The following ARHGAP15 variants were observed in gnomAD, a reference collection of about 807,000 sequenced individuals.
ARHGAP15 encodes Rho GTPase activating protein 15, also known as rho GTPase-activating protein 15.
In ARHGAP15, 51 loss-of-function variants were observed where a neutral mutation model predicts 63.7. The observed-to-expected ratio is 0.80, with a 90% CI of 0.64 to 1.01. ARHGAP15 has a LOEUF of 1.01. ARHGAP15 is among the 50% of genes least tolerant of loss of function. ARHGAP15 has a pLI of 0.00. For missense variants in ARHGAP15, 560 were observed against 564.6 expected, an observed-to-expected ratio of 0.99 and a Z score of 0.08; for synonymous variants, 191 against 193.8, an observed-to-expected ratio of 0.99 and a Z score of 0.12.
intron 6 of ARHGAP15, among the ~76,000 whole-genome samples, chr2:143,313,667 G>A (rs975233522): frequency 1.8e-4 from 27 of 152,156 alleles, no homozygotes; most frequent in Non-Finnish European, 4.0e-4. Context: ...CTGAGGTAGA[G>A]TCTATCTTTA....
intron 6 of ARHGAP15, among the ~76,000 whole-genome samples, chr2:143,311,089 G>A (rs1188839554): frequency 6.6e-6 from 1 of 151,862 alleles, no homozygotes; most frequent in Non-Finnish European, 1.5e-5. Context: ...TTAATCCTTA[G>A]AGAATTTGGT....
chr2:143,718,826 T>C (rs1335389997), intron 13 of ARHGAP15, among the ~76,000 whole-genome samples: 1 of 152,214 alleles, frequency 6.6e-6, no homozygotes, highest in African/African-American at 2.4e-5. Flanking sequence ...GTGTGGTAGA[T>C]GCTGAGCTGG....
chr2:143,308,592 G>A (rs530380076), intron 6 of ARHGAP15, among the ~76,000 whole-genome samples: 29 of 152,092 alleles, frequency 1.9e-4, no homozygotes, highest in African/African-American at 6.7e-4. Flanking sequence ...CCAATGGCAT[G>A]TATAGATTGT....
At chr2:143,270,610 A>G (rs558225496) in intron 6 of ARHGAP15, among the ~76,000 whole-genome samples, 3 of 152,152 alleles carry the variant, frequency 2.0e-5, no homozygotes, top group African/African-American at 4.8e-5. Context: ...ATTACATACT[A>G]CTTTCCTGTT....
At chr2:143,232,812 A>G (rs970444969) in intron 5 of ARHGAP15, among the ~76,000 whole-genome samples, 9 of 152,296 alleles carry the variant, frequency 5.9e-5, no homozygotes, top group African/African-American at 2.2e-4. Flanking sequence ...ATTCATATAA[A>G]TGGAATCCTA....
intron 13 of ARHGAP15, among the ~76,000 whole-genome samples, chr2:143,705,001 CAT>C (rs1684261101): frequency 1.3e-5 from 2 of 152,272 alleles, no homozygotes; most frequent in South Asian, 2.1e-4. Flanking sequence ...CACATGCAAA[CAT>C]ATGTGTGTAT....
intron 6 of ARHGAP15, among the ~76,000 whole-genome samples, chr2:143,370,662 A>G (rs1307875779): frequency 6.6e-6 from 1 of 152,144 alleles, no homozygotes; most frequent in African/African-American, 2.4e-5. Context: ...ATATTTGTTC[A>G]ACAATAGTTA....
At chr2:143,364,849 TACA>T (rs1184264805) in intron 6 of ARHGAP15, among the ~76,000 whole-genome samples, 1 of 151,978 alleles carries the variant, frequency 6.6e-6, no homozygotes, top group African/African-American at 2.4e-5. Context: ...CTCTTAAAAA[TACA>T]ACAATTATCC....
chr2:143,209,762 A>T (rs1692496838), intron 3 of ARHGAP15, among the ~76,000 whole-genome samples: 1 of 152,090 alleles, frequency 6.6e-6, no homozygotes, highest in African/African-American at 2.4e-5. Flanking sequence ...AAACTGCAAA[A>T]ATTCCACAGC....
intron 6 of ARHGAP15, among the ~76,000 whole-genome samples, chr2:143,293,178 AT>A (rs1682485053): frequency 6.6e-6 from 1 of 152,024 alleles, no homozygotes; most frequent in Non-Finnish European, 1.5e-5. Context: ...TGGACACTTT[AT>A]TATTAATCAA....
At chr2:143,418,566 G>A (rs1688781807) in intron 6 of ARHGAP15, among the ~76,000 whole-genome samples, 1 of 152,106 alleles carries the variant, frequency 6.6e-6, no homozygotes, top group Admixed American at 6.5e-5. Context: ...TGGAGGAAGA[G>A]AAGAAATATT....
chr2:143,283,831 G>T (rs1027581500), intron 6 of ARHGAP15, among the ~76,000 whole-genome samples: 5 of 152,060 alleles, frequency 3.3e-5, no homozygotes, highest in Admixed American at 3.3e-4. Context: ...ATTTTCCCAT[G>T]TTCACCTATT....
chr2:143,165,988 A>AGG (rs1397561065), intron 2 of ARHGAP15, among the ~76,000 whole-genome samples: 27 of 137,620 alleles, frequency 2.0e-4, no homozygotes, highest in African/African-American at 7.5e-4. Flanking sequence ...GAAAGAAAGA[A>AGG]AGAAAGAAAG....
intron 5 of ARHGAP15, among the ~76,000 whole-genome samples, chr2:143,246,657 T>C (rs1025143364): frequency 4.0e-5 from 6 of 151,826 alleles, no homozygotes; most frequent in Admixed American, 2.6e-4. Context: ...AGCGATATCC[T>C]TGGAGGAGAG....
At chr2:143,390,130 G>A (rs553086453) in intron 6 of ARHGAP15, among the ~76,000 whole-genome samples, 2 of 151,854 alleles carry the variant, frequency 1.3e-5, no homozygotes, top group African/African-American at 4.8e-5. Flanking sequence ...AGAGATATGA[G>A]ACTATATCTG....
At chr2:143,746,293 C>CAA (rs35276309) in intron 13 of ARHGAP15, among the ~76,000 whole-genome samples, 15 of 150,488 alleles carry the variant, frequency 1.0e-4, no homozygotes, top group Non-Finnish European at 1.5e-4. Flanking sequence ...ATTCCTTTTT[C>CAA]AAAAAAAAAC....
chr2:143,483,902 A>G (rs1692190431), intron 8 of ARHGAP15, among the ~76,000 whole-genome samples: 1 of 152,118 alleles, frequency 6.6e-6, no homozygotes, highest in African/African-American at 2.4e-5. Flanking sequence ...TTACATTTCC[A>G]TTTGACTCCT....
chr2:143,515,158 C>T (rs569240536), intron 9 of ARHGAP15, among the ~76,000 whole-genome samples: 10 of 151,968 alleles, frequency 6.6e-5, no homozygotes, highest in Non-Finnish European at 1.5e-4. Flanking sequence ...TAACTAATCT[C>T]CTTGTGCTTC....
intron 9 of ARHGAP15, among the ~76,000 whole-genome samples, chr2:143,488,058 A>G (rs1176557318): frequency 6.6e-6 from 1 of 152,198 alleles, no homozygotes; most frequent in African/African-American, 2.4e-5. Flanking sequence ...ATATATGTAG[A>G]GGGCAGAATA....
Sources: gnomAD v4.1 joint callset for allele counts (sites outside exome capture counted in the v4.1 genomes callset) on GRCh38, gnomAD v4.1.1 for gene constraint, MANE v1.5 for transcripts, NCBI Gene and HGNC (gene_info 2026-07-23, HGNC 2026-07-21) for gene names.